PIK3R1: variants seen among roughly 807,000 people sequenced by gnomAD.
PIK3R1 encodes the protein phosphatidylinositol 3-kinase regulatory subunit alpha.
A neutral mutation model predicts 98.0 loss-of-function variants in PIK3R1; 29 were observed. The observed-to-expected ratio is 0.30, with a 90% confidence interval of 0.22 to 0.40. PIK3R1 has a LOEUF of 0.40. Ranked by LOEUF, PIK3R1 falls within the 10% of genes least tolerant of loss-of-function variation. The probability of loss-of-function intolerance (pLI) is 1.00; values close to 1 mark genes in which losing one functional copy is unlikely to be tolerated. For missense variants in PIK3R1, 596 were observed against 872.7 expected (o/e 0.68, Z 3.99); for synonymous variants, 282 against 311.8 (o/e 0.90, Z 1.01).
intron 2 of PIK3R1, among the ~76,000 whole-genome samples, chr5:68,243,715 A>G (rs952108708): frequency 6.6e-6 from 1 of 152,236 alleles, no homozygotes; most frequent in Admixed American, 6.5e-5. Context: ...GGGCTTCAGC[A>G]TAAAGCAGCT....
chr5:68,245,700 A>G (rs766998334), intron 2 of PIK3R1, among the ~76,000 whole-genome samples: 5 of 152,264 alleles, frequency 3.3e-5, no homozygotes, highest in Non-Finnish European at 7.3e-5. Flanking sequence ...ACATGAAAAA[A>G]ATTACTTTTT....
chr5:68,272,468 C>A (rs1172510202), intron 2 of PIK3R1, among the ~76,000 whole-genome samples: 4 of 152,020 alleles, frequency 2.6e-5, no homozygotes, highest in Non-Finnish European at 5.9e-5. Context: ...CTTTATTTTG[C>A]AGTTTCACAA....
At chr5:68,277,861 G>GCA (rs1472616538) in intron 4 of PIK3R1, among the ~76,000 whole-genome samples, 2 of 152,256 alleles carry the variant, frequency 1.3e-5, no homozygotes, top group South Asian at 4.1e-4. Flanking sequence ...ACTTCTAGCA[G>GCA]CACTCCCTTC....
Position 68,301,436 on chromosome 5 carries a change from G to GTA in PIK3R1, c.*3836_*3837insAT, listed in dbSNP as rs1748081324. Reference sequence around the variant, plus strand: ...TATATATATATATATATATATATGTGTGTGTATATATATATATATGTGTAT... The same window carrying GTA: ...TATATATATATATATATATATATGTGTATGTGTATATATATATATATGTGTAT... On this transcript the variant is annotated 3_prime_UTR_variant, in exon 16 of 16. Transcript: ENST00000521381. The GTA allele has an allele frequency of 9.2e-6, 1 of 108,900 alleles. No homozygotes were observed. Among genetic ancestry groups the GTA allele is most frequent in the Admixed American group, 9.4e-5 (1 of 10,584 alleles). 6.7% of individuals were successfully genotyped at this position (108,900 alleles called of 1,614,324 possible).
chr5:68,289,572 G>A (rs939040510), intron 7 of PIK3R1, among the ~76,000 whole-genome samples: 3 of 149,726 alleles, frequency 2.0e-5, no homozygotes, highest in Non-Finnish European at 4.4e-5. Flanking sequence ...CTCCCCCCCC[G>A]CCATCATAAT....
chr5:68,276,732 A>C (rs947889669), intron 4 of PIK3R1, among the ~76,000 whole-genome samples: 8 of 152,252 alleles, frequency 5.3e-5, no homozygotes, highest in Non-Finnish European at 8.8e-5. Context: ...AAGGTTACCC[A>C]AAGACCTGCA....
At chr5:68,279,999 A>G (rs182469201) in intron 5 of PIK3R1, among the ~76,000 whole-genome samples, 361 of 152,322 alleles carry the variant, frequency 2.4e-3, no homozygotes, top group Non-Finnish European at 4.2e-3. Context: ...TTGTACGTCA[A>G]TGAAGGACAC....
At chr5:68,232,555 C>T (rs1744522573) in intron 2 of PIK3R1, among the ~76,000 whole-genome samples, 1 of 152,202 alleles carries the variant, frequency 6.6e-6, no homozygotes, top group East Asian at 1.9e-4. Context: ...AAGGGAATCA[C>T]TTGAACTGCT....
At chr5:68,243,542 C>T (rs921513563) in intron 2 of PIK3R1, among the ~76,000 whole-genome samples, 1 of 152,196 alleles carries the variant, frequency 6.6e-6, no homozygotes, top group African/African-American at 2.4e-5. Flanking sequence ...CAAATTTGTG[C>T]TAATAGTTGC....
intron 8 of PIK3R1, chr5:68,292,818 C>G (rs1747466768): frequency 1.9e-6 from 2 of 1,029,030 alleles, no homozygotes. Context: ...AAACTTAGTA[C>G]CACAGATACA....
In PIK3R1 at chr5:68,282,695, AT is replaced by A. The variant is rs1322036403; in HGVS notation, c.916+1690del. Among the ~76,000 whole-genome samples the A allele has an allele frequency of 5.9e-5, 9 of 152,330 alleles. No homozygotes were observed. In the East Asian group the frequency reaches 1.7e-3, roughly 29 times the overall value. ...AATGCCACCCGGAAAGCTGTTTGAT[AT>A]GTCAAAGGACCCTACATTTCTCTGC... On this transcript the variant is annotated intron_variant, in intron 7 of 15. Transcript: ENST00000521381.
chr5:68,258,862 G>A (rs1745628465), intron 2 of PIK3R1, among the ~76,000 whole-genome samples: 1 of 152,134 alleles, frequency 6.6e-6, no homozygotes, highest in South Asian at 2.1e-4. Flanking sequence ...CACTATCAGT[G>A]CCCCCAGCTC....
intron 4 of PIK3R1, among the ~76,000 whole-genome samples, chr5:68,274,743 C>T (rs1746502960): frequency 6.6e-6 from 1 of 152,142 alleles, no homozygotes; most frequent in Admixed American, 6.5e-5. Flanking sequence ...GCTTTAGTAC[C>T]CCAAACACCC....
intron 7 of PIK3R1, chr5:68,288,654 G>T (rs1747207553): frequency 8.1e-6 from 13 of 1,606,404 alleles, no homozygotes; most frequent in Non-Finnish European, 1.1e-5. Flanking sequence ...GCGGGGGCTT[G>T]GCCCACTTGG....
At chr5:68,289,362 C>A (rs2112231249) in intron 7 of PIK3R1, among the ~76,000 whole-genome samples, 1 of 152,166 alleles carries the variant, frequency 6.6e-6, no homozygotes, top group Middle Eastern at 3.4e-3. Flanking sequence ...ATGAATTAAA[C>A]TAGACGGGGG....
At position 68,292,358 on chromosome 5, in the gene PIK3R1, C is replaced by T. The variant is rs1240713811; in HGVS notation, c.1016C>T (p.Ser339Leu). ...QDAEWYWGDISREEVNEKLRD... is the reference protein window; with the variant it reads ...QDAEWYWGDILREEVNEKLRD... ...GCTGAATGGTACTGGGGAGATATCTCGAGGTAAGGCTACAGAAACTTCATT... is the reference window on the plus strand; with the variant it reads ...GCTGAATGGTACTGGGGAGATATCTTGAGGTAAGGCTACAGAAACTTCATT... The change falls in exon 8 of 16, where the codon TCG (serine) becomes TTG (leucine). Residue 339 changes from serine (S) to leucine (L), a missense_variant. Ser to Leu is a moderately radical substitution (Grantham distance 145). Coordinates refer to ENST00000521381, the MANE Select transcript of PIK3R1 (RefSeq NM_181523.3). 5 of 1,598,200 alleles carry T rather than the reference C, an allele frequency of 3.1e-6. No individual in the cohort carries two copies. The highest frequency in any genetic ancestry group is 2.2e-5 in the East Asian group (1 of 44,828).
At chr5:68,262,362 T>G (rs72757681) in intron 2 of PIK3R1, among the ~76,000 whole-genome samples, 1 of 146,212 alleles carries the variant, frequency 6.8e-6, no homozygotes, top group Non-Finnish European at 1.5e-5. Flanking sequence ...TTTGAGAACA[T>G]GACCAGGCTT....
chr5:68,300,012 T>A lies in PIK3R1; in HGVS notation c.*2411T>A. Reference sequence around the variant, plus strand: ...GTTTTTAAACTAGGTTTGTGGGTATTTTTTTGGTAGCACATGTATGCTATT... The same window carrying A: ...GTTTTTAAACTAGGTTTGTGGGTATATTTTTGGTAGCACATGTATGCTATT... On this transcript the variant is annotated 3_prime_UTR_variant, in exon 16 of 16. Coordinates refer to ENST00000521381, the MANE Select transcript of PIK3R1 (RefSeq NM_181523.3). 1 of 233,180 alleles carries A rather than the reference T, an allele frequency of 4.3e-6. No individual in the cohort carries two copies. Among genetic ancestry groups the A allele is most frequent in the Non-Finnish European group, 8.5e-6 (1 of 117,988 alleles). The allele number at this position is 233,180 out of a possible 1,614,324, so 14.4% of individuals were successfully genotyped here.
chr5:68,217,563 A>C (rs1004180977), intron 1 of PIK3R1: 20 of 152,096 alleles, frequency 1.3e-4, no homozygotes, highest in African/African-American at 4.8e-4. Flanking sequence ...TAGGTGCAAA[A>C]GTTGATTAAA....
Sources: allele counts gnomAD v4.1 joint callset (sites outside exome capture counted in the v4.1 genomes callset), GRCh38; gene constraint gnomAD v4.1.1; transcripts MANE v1.5; gene names NCBI Gene and HGNC (gene_info 2026-07-23, HGNC 2026-07-21).